The following CD53 variants were observed in gnomAD, a reference collection of about 807,000 sequenced individuals.
CD53 encodes leukocyte surface antigen CD53.
Under a neutral mutation model 27.3 loss-of-function variants are expected in CD53, and 20 were observed. The observed-to-expected ratio is 0.73, with a 90% confidence interval of 0.52 to 1.07. CD53 has a LOEUF of 1.07. Ranked by LOEUF, CD53 falls within the 50% of genes least tolerant of loss-of-function variation. The probability of loss-of-function intolerance (pLI) is 0.00; values close to 1 mark genes in which losing one functional copy is unlikely to be tolerated. For synonymous variants in CD53, 106 were observed against 105.3 expected (o/e 1.01, Z -0.04); for missense variants, 216 against 264.0 (o/e 0.82, Z 1.26).
Position 110,897,883 on chromosome 1 carries a change from T to C in CD53, c.579T>C (p.Cys193=). Residue 193 remains cysteine (C), a synonymous_variant, in exon 7 of 8, where the codon TGT becomes TGC. Coordinates refer to ENST00000271324, the MANE Select transcript of CD53 (RefSeq NM_000560.4). ...LYIGIITICV[C]VIEVLGMSFA... ...TCGGAATCATCACCATCTGTGTATGTGTGATTGAGGTAAGAGCTTAACCAC... is the reference window on the plus strand; with the variant it reads ...TCGGAATCATCACCATCTGTGTATGCGTGATTGAGGTAAGAGCTTAACCAC... 1.2e-6 allele frequency: 2 copies of C among 1,601,744 alleles called. No individual in the cohort carries two copies. The highest frequency in any genetic ancestry group is 8.5e-7 in the Non-Finnish European group (1 of 1,169,638).
chr1:110,899,463 C>A lies in CD53; in HGVS notation c.*268C>A. 3.0e-6 allele frequency: 1 copy of A among 334,032 alleles called. No individual in the cohort carries two copies. The highest frequency in any genetic ancestry group is 5.6e-6 in the Non-Finnish European group (1 of 178,378). 20.7% of individuals were successfully genotyped at this position (334,032 alleles called of 1,614,324 possible). Reference sequence around the variant, plus strand: ...CTGAGCATCTTTTAGACAAGAGAGGCAAAGACAAACTGGATTTAATGGCCC... The same window carrying A: ...CTGAGCATCTTTTAGACAAGAGAGGAAAAGACAAACTGGATTTAATGGCCC... On this transcript the variant is annotated 3_prime_UTR_variant, in exon 8 of 8. Transcript: ENST00000271324.
chr1:110,878,580 G>A (rs146709207), intron 1 of CD53, among the ~76,000 whole-genome samples: 1 of 152,162 alleles, frequency 6.6e-6, no homozygotes, highest in East Asian at 1.9e-4. Flanking sequence ...TTTAAAGAAA[G>A]CATGCTTACA....
At chr1:110,886,785 C>T (rs1656620685) in intron 1 of CD53, among the ~76,000 whole-genome samples, 1 of 149,924 alleles carries the variant, frequency 6.7e-6, no homozygotes, top group South Asian at 2.1e-4. Flanking sequence ...GTGGAGGCTG[C>T]CGTGAGCCAA....
intron 2 of CD53, 125 bp from the exon 3 acceptor site, chr1:110,892,220 G>C (rs755769624): frequency 3.9e-6 from 3 of 773,316 alleles, no homozygotes; most frequent in Non-Finnish European, 6.9e-6. Context: ...TAAAGAAATT[G>C]TTCATGAGAC....
intron 7 of CD53, among the ~76,000 whole-genome samples, chr1:110,898,767 T>G (rs538140646): frequency 1.8e-4 from 27 of 152,222 alleles, no homozygotes; most frequent in Non-Finnish European, 7.4e-5. Context: ...GAGAAAATGA[T>G]TTTTCTCTGT....
intron 3 of CD53, chr1:110,893,004 G>C (rs1656917115): frequency 5.9e-6 from 1 of 169,254 alleles, no homozygotes; most frequent in African/African-American, 2.4e-5. Context: ...ACTCCGTAGA[G>C]AGATCCAACT....
In CD53 at chr1:110,896,701, C is replaced by A. The variant is rs140431148; in HGVS notation, c.472C>A (p.Pro158Thr). 1.2e-5 allele frequency: 20 copies of A among 1,613,286 alleles called. No individual in the cohort carries two copies. Among genetic ancestry groups the A allele is most frequent in the Non-Finnish European group, 8.5e-7 (1 of 1,179,704 alleles). ...NGTSDWTSGPPASCPSDRKVE... is the reference protein window; with the variant it reads ...NGTSDWTSGPTASCPSDRKVE... ...CACGAGTGATTGGACCAGTGGCCCA[C>A]CAGCATCTTGCCCCTCAGATCGAAA... The change falls in exon 6 of 8, where the codon CCA becomes ACA. Residue 158 changes from proline to threonine, a missense_variant. By Grantham distance (38) the Pro-to-Thr change is conservative. Coordinates refer to ENST00000271324, the MANE Select transcript of CD53 (RefSeq NM_000560.4).
upstream of CD53, among the ~76,000 whole-genome samples, chr1:110,871,650 T>C (rs1462393694): frequency 6.6e-6 from 1 of 151,796 alleles, no homozygotes; most frequent in Non-Finnish European, 1.5e-5. Flanking sequence ...ATTAGGAAAA[T>C]ATGAGTTCAG....
intron 1 of CD53, chr1:110,880,195 G>T (rs1494322): frequency 3.3e-5 from 5 of 151,840 alleles, no homozygotes; most frequent in African/African-American, 1.2e-4. Context: ...GAGGGGTGTC[G>T]GTTCCTCTAG....
intron 1 of CD53, among the ~76,000 whole-genome samples, chr1:110,877,530 C>CAG (rs1313072259): frequency 6.6e-6 from 1 of 152,186 alleles, no homozygotes; most frequent in Non-Finnish European, 1.5e-5. Flanking sequence ...TGTCCCACCT[C>CAG]AGCTGTTATT....
At chr1:110,890,963 A>C (rs1656829472) in intron 1 of CD53, among the ~76,000 whole-genome samples, 1 of 152,288 alleles carries the variant, frequency 6.6e-6, no homozygotes, top group Admixed American at 6.5e-5. Flanking sequence ...TAAATCACAG[A>C]GTATTTAAGA....
At chr1:110,879,037 AT>A (rs950204308) in intron 1 of CD53, among the ~76,000 whole-genome samples, 8 of 151,376 alleles carry the variant, frequency 5.3e-5, no homozygotes, top group Admixed American at 4.0e-4. Flanking sequence ...TTGTTTTTTT[AT>A]TTTTTTTACA....
chr1:110,884,852 T>A (rs1570901779), intron 1 of CD53, among the ~76,000 whole-genome samples: 1 of 754 alleles, frequency 1.3e-3, no homozygotes, highest in Non-Finnish European at 0.025. Context: ...TTTAAATGCA[T>A]TTTTTTGTAA....
chr1:110,896,723 G>A lies in CD53; in HGVS notation c.494G>A (p.Arg165Gln), dbSNP rs150734121. The A allele has an allele frequency of 1.6e-4, 255 of 1,612,620 alleles. No individual in the cohort carries two copies. In the African/African-American group the frequency reaches 2.2e-3, roughly 14 times the overall value. The stretch of plus-strand genomic sequence containing the variant: ...CCACCAGCATCTTGCCCCTCAGATC[G>A]AAAAGTGGAGGTAATTTTGTCGGCA... ...SGPPASCPSD[R>Q]KVEGCYAKAR... The change falls in exon 6 of 8, where the codon CGA becomes CAA. Residue 165 changes from arginine to glutamine, a missense_variant. Transcript: ENST00000271324.
At chr1:110,877,223 G>GT (rs1432404151) in intron 1 of CD53, among the ~76,000 whole-genome samples, 2 of 152,088 alleles carry the variant, frequency 1.3e-5, no homozygotes, top group African/African-American at 4.8e-5. Flanking sequence ...TTTTTAGAAT[G>GT]TTTCTCCATT....
chr1:110,890,261 C>T (rs987251509), intron 1 of CD53, among the ~76,000 whole-genome samples: 1 of 152,062 alleles, frequency 6.6e-6, no homozygotes, highest in African/African-American at 2.4e-5. Flanking sequence ...ATATCATTAC[C>T]TCTGACAGAA....
chr1:110,898,670 G>A (rs1657173163), intron 7 of CD53, among the ~76,000 whole-genome samples: 1 of 143,866 alleles, frequency 7.0e-6, no homozygotes, highest in South Asian at 2.3e-4. Context: ...AATAAAAAAG[G>A]ACAAAAATAA....
Position 110,892,464 on chromosome 1 carries a change from T to C in CD53, c.183T>C (p.Ser61=). ...GCAATGTGTTTGTCATCGTGGGCTC[T>C]ATTATCATGGTAGTTGCCTTCCTGG... ...TLGNVFVIVG[S]IIMVVAFLGC... is the part of the protein sequence containing the mutation. Residue 61 remains serine (S), a synonymous_variant, in exon 3 of 8, where the codon TCT becomes TCC. Coordinates refer to ENST00000271324, the MANE Select transcript of CD53 (RefSeq NM_000560.4). The C allele has an allele frequency of 6.2e-7, 1 of 1,614,182 alleles. No individual in the cohort carries two copies. The highest frequency in any genetic ancestry group is 2.2e-5 in the East Asian group (1 of 44,884).
chr1:110,895,925 C>T (rs1225661154), intron 5 of CD53, among the ~76,000 whole-genome samples: 2 of 152,000 alleles, frequency 1.3e-5, no homozygotes, highest in Non-Finnish European at 2.9e-5. Flanking sequence ...TTTTAATACA[C>T]CTAAAATTTT....
Sources: allele counts gnomAD v4.1 joint callset (sites outside exome capture counted in the v4.1 genomes callset), GRCh38; gene constraint gnomAD v4.1.1; transcripts MANE v1.5; gene names NCBI Gene and HGNC (gene_info 2026-07-23, HGNC 2026-07-21).